Variants in DMD observed in about 807,000 individuals in gnomAD.
DMD encodes mutant dystrophin.
DMD carries 63 observed loss-of-function variants against 330.1 expected under a neutral mutation model. The observed-to-expected ratio is 0.19, with a 90% CI of 0.16 to 0.24. The LOEUF is 0.24. DMD is among the 10% of genes least tolerant of loss of function. The probability of loss-of-function intolerance (pLI) is 1.00; values close to 1 mark genes in which losing one functional copy is unlikely to be tolerated. For missense variants in DMD, 3,344 were observed against 2,684.1 expected, an observed-to-expected ratio of 1.25 and a Z score of -5.43; for synonymous variants, 1,223 against 959.8, an observed-to-expected ratio of 1.27 and a Z score of -5.07.
intron 4 of DMD, among the ~76,000 whole-genome samples, chrX:32,826,460 T>G (rs977201551): frequency 4.5e-5 from 5 of 111,081 alleles, no homozygotes; most frequent in Non-Finnish European, 9.4e-5. Context: ...GATGAAAGAA[T>G]AAAGAAAATG....
chrX:33,275,512 C>A (rs1333293695), intron 1 of DMD, among the ~76,000 whole-genome samples: 1 of 111,856 alleles, frequency 8.9e-6, no homozygotes, highest in East Asian at 2.8e-4. Flanking sequence ...GTTCATGTAT[C>A]ACTAAAAATC....
At chrX:32,646,823 T>G (rs1353454344) in intron 9 of DMD, among the ~76,000 whole-genome samples, 1 of 111,780 alleles carries the variant, frequency 8.9e-6, no homozygotes, top group Admixed American at 9.5e-5. Context: ...TTTTCCAGTT[T>G]CTATAAAAGT....
chrX:31,289,272 ATAAAAT>A (rs1367323031), intron 62 of DMD, among the ~76,000 whole-genome samples: 5,497 of 87,735 alleles, frequency 0.063, 742 homozygotes, highest in African/African-American at 0.11. Context: ...AAAATAAAAA[ATAAAAT>A]AAAATCCATC....
chrX:31,907,383 G>C (rs375531701), intron 47 of DMD, among the ~76,000 whole-genome samples: 1 of 111,518 alleles, frequency 9.0e-6, no homozygotes, highest in South Asian at 3.8e-4. Context: ...CAATGGAACA[G>C]AACGGAAGCC....
rs3032536 is a variant in DMD at position 31,310,176 on chromosome X, CCT to C, written c.9224+13420_9224+13421del. Among the ~76,000 whole-genome samples the C allele has an allele frequency of 2.7e-3, 249 of 91,424 alleles. 1 individual carries two copies. Among genetic ancestry groups the C allele is most frequent in the Admixed American group, 4.4e-3 (36 of 8,272 alleles). 79.4% of individuals were successfully genotyped at this position (91,424 alleles called of 115,157 possible). On this transcript the variant is annotated intron_variant, in intron 62 of 78. Transcript: ENST00000357033. ...TTCTCTTTAGTTTCCTCTTCGTTGTCCTCTCTCTCTCTCTCTCTCTCTCTCTC... is the reference window on the plus strand; with the variant it reads ...TTCTCTTTAGTTTCCTCTTCGTTGTCCTCTCTCTCTCTCTCTCTCTCTCTC...
chrX:32,438,532 C>G lies in DMD; in HGVS notation c.3922-142G>C. ...CAAATTTTAATTGGGATTAAAAACA[C>G]CAAGGAGCATTTTTGCTTCAAAAAA... is the stretch of plus-strand genomic sequence containing the variant. On this transcript the variant is annotated intron_variant, in intron 28 of 78. Transcript: ENST00000357033. The G allele has an allele frequency of 4.3e-6, 3 of 697,589 alleles. No homozygotes were observed. In the South Asian group the frequency reaches 7.9e-5, roughly 18 times the overall value. The allele number at this position is 697,589 out of a possible 1,213,427, so 57.5% of individuals were successfully genotyped here. A position where few individuals can be genotyped will look rare whatever the true frequency, so the allele number is the denominator to read the frequency against.
chrX:32,651,878 TA>T (rs2060181642), intron 9 of DMD, among the ~76,000 whole-genome samples: 1 of 112,369 alleles, frequency 8.9e-6, no homozygotes, highest in South Asian at 3.7e-4. Context: ...AAATTCTTTC[TA>T]AAAGAAGGCA....
intron 29 of DMD, among the ~76,000 whole-genome samples, chrX:32,424,689 T>C (rs921027513): frequency 9.3e-6 from 1 of 107,453 alleles, no homozygotes; most frequent in Admixed American, 1.0e-4. Flanking sequence ...CTTCCCTGAG[T>C]CCCCCAAATT....
At chrX:31,709,618 T>G (rs867138025) in intron 52 of DMD, among the ~76,000 whole-genome samples, 1 of 98,322 alleles carries the variant, frequency 1.0e-5, no homozygotes, top group Non-Finnish European at 2.1e-5. Context: ...GTGTGTGTGG[T>G]GTGTCAGAGA....
At chrX:32,949,326 A>AGG (rs1569545073) in intron 2 of DMD, among the ~76,000 whole-genome samples, 1 of 96,983 alleles carries the variant, frequency 1.0e-5, no homozygotes, top group Non-Finnish European at 2.1e-5. Flanking sequence ...GATAGATTAG[A>AGG]TAGGTAGGTA....
chrX:31,260,829 C>T, intron 63 of DMD, 126 bp downstream of exon 63: 2 of 578,203 alleles, frequency 3.5e-6, no homozygotes, highest in Non-Finnish European at 5.6e-6. Context: ...AGGAAGGTGC[C>T]ACTGCTTTCA....
intron 2 of DMD, among the ~76,000 whole-genome samples, chrX:32,952,367 C>A (rs889683882): frequency 3.6e-5 from 4 of 110,797 alleles, no homozygotes; most frequent in Non-Finnish European, 7.6e-5. Context: ...CTCCTGACCT[C>A]ATGATCCGCC....
At chrX:33,161,240 A>T (rs190562504) in intron 1 of DMD, among the ~76,000 whole-genome samples, 1 of 111,665 alleles carries the variant, frequency 9.0e-6, no homozygotes, top group East Asian at 2.8e-4. Flanking sequence ...CACTGTTCTA[A>T]GGGTATCACA....
In DMD at chrX:31,119,720, C is replaced by A. The variant is rs1392522292; in HGVS notation, c.*2199G>T. ...AACTTCTTAGTAGGATGTAAAGTAACCCCTTGTTTTAAATCTGAGTTTTAA... is the reference window on the plus strand; with the variant it reads ...AACTTCTTAGTAGGATGTAAAGTAAACCCTTGTTTTAAATCTGAGTTTTAA... On this transcript the variant is annotated 3_prime_UTR_variant, in exon 79 of 79. Transcript: ENST00000357033. 3 of 111,743 alleles carry A rather than the reference C, an allele frequency of 2.7e-5. No individual in the cohort carries two copies. The highest frequency in any genetic ancestry group is 5.7e-5 in the Non-Finnish European group (3 of 53,036). 9.2% of individuals were successfully genotyped at this position (111,743 alleles called of 1,213,427 possible). A position where few individuals can be genotyped will look rare whatever the true frequency, so the allele number is the denominator to read the frequency against.
rs369823626 is a variant in DMD at position 33,290,827 on chromosome X, C to T, written c.7+48432G>A. The stretch of plus-strand genomic sequence containing the variant: ...CTTAAAAATACATCTACCCCTCCTT[C>T]ATCCTTAAAAAAGAAAATGCATCTT... On this transcript the variant is annotated intron_variant, in intron 1 of 17. Coordinates refer to the DMD transcript ENST00000288447. Among the ~76,000 whole-genome samples the T allele has an allele frequency of 1.5e-4, 17 of 111,464 alleles. No individual in the cohort carries two copies. The South Asian group carries it at 6.0e-3, about 40-fold the overall frequency.
chrX:31,889,018 T>C (rs1002568812), intron 47 of DMD, among the ~76,000 whole-genome samples: 1 of 112,330 alleles, frequency 8.9e-6, no homozygotes, highest in South Asian at 3.6e-4. Context: ...CAAATCACAG[T>C]GTATGTTAGT....
At position 31,497,864 on chromosome X, in the gene DMD, T is replaced by A. The variant is rs371251486; in HGVS notation, c.8391-920A>T. ...TCACTCAGCTATTATCAGCAATTAC[T>A]AATTAATTCATAATAACGCTACCTA... On this transcript the variant is annotated intron_variant, in intron 56 of 78. Transcript: ENST00000357033. Among the ~76,000 whole-genome samples, 10 of 112,507 alleles carry A rather than the reference T, an allele frequency of 8.9e-5. No individual in the cohort carries two copies. In the East Asian group the frequency reaches 2.5e-3, roughly 28 times the overall value.
At chrX:32,338,204 C>T (rs4829252) in intron 41 of DMD, among the ~76,000 whole-genome samples, 51,421 of 110,296 alleles carry the variant, frequency 0.47, 10,214 homozygotes, top group South Asian at 0.72. Flanking sequence ...TTAAGTAACC[C>T]TTAATGATAC....
chrX:31,961,514 G>T (rs771202562), intron 45 of DMD, among the ~76,000 whole-genome samples: 17 of 111,533 alleles, frequency 1.5e-4, no homozygotes, highest in Non-Finnish European at 2.6e-4. Context: ...TTTTAATCTT[G>T]CTGGGGGAAA....
Sources: gnomAD v4.1 joint callset for allele counts (sites outside exome capture counted in the v4.1 genomes callset) on GRCh38, gnomAD v4.1.1 for gene constraint, MANE v1.5 for transcripts, NCBI Gene and HGNC (gene_info 2026-07-23, HGNC 2026-07-21) for gene names.